The following CTNNAL1 variants were observed in gnomAD, a reference collection of about 807,000 sequenced individuals.
CTNNAL1 encodes alpha-catulin.
Under a neutral mutation model 93.6 loss-of-function variants are expected in CTNNAL1, and 69 were observed. That is an observed-to-expected ratio of 0.74 (90% CI 0.61 to 0.90). The LOEUF is 0.90. Ranked by LOEUF, CTNNAL1 falls within the 40% of genes least tolerant of loss-of-function variation. The pLI, the probability that CTNNAL1 is intolerant of heterozygous loss-of-function variation, is 0.00. For synonymous variants in CTNNAL1, 286 were observed against 305.4 expected, an observed-to-expected ratio of 0.94 and a Z score of 0.66; for missense variants, 836 against 862.0, an observed-to-expected ratio of 0.97 and a Z score of 0.38.
chr9:108,943,167 T>G (rs1348343618), intron 17 of CTNNAL1, 123 bp from the exon 18 acceptor site: 4 of 923,672 alleles, frequency 4.3e-6, no homozygotes, highest in Non-Finnish European at 6.4e-6. Context: ...TTGAAAGAGA[T>G]ATGGATTTAG....
rs201955013 is a variant in CTNNAL1, at chr9:108,952,428, T to A, written c.1680+16A>T. On this transcript the variant is annotated intron_variant, in intron 13 of 18. Coordinates refer to ENST00000325551, the MANE Select transcript of CTNNAL1 (RefSeq NM_003798.4). ...ATTCATGTTAAAGGAAGATTAGATG[T>A]AGGAATTGGTCTTACCTCAGAGTCA... 2 of 1,614,200 alleles carry A rather than the reference T, an allele frequency of 1.2e-6. No homozygotes were observed. Among genetic ancestry groups the A allele is most frequent in the East Asian group, 4.5e-5 (2 of 44,880 alleles).
chr9:108,990,307 T>G (rs1831750228), intron 4 of CTNNAL1, among the ~76,000 whole-genome samples: 2 of 152,152 alleles, frequency 1.3e-5, no homozygotes. Flanking sequence ...AAATAATGGC[T>G]TGGGTTATTA....
rs775112739 is a variant in CTNNAL1 at position 108,983,252 on chromosome 9, T to C, written c.793A>G (p.Met265Val). 2.5e-6 allele frequency: 4 copies of C among 1,596,398 alleles called. No homozygotes were observed. In the South Asian group the frequency reaches 4.5e-5, roughly 18 times the overall value. The change falls in exon 6 of 19, where the codon ATG (methionine) becomes GTG (valine). Residue 265 changes from methionine to valine, a missense_variant. Physicochemically the swap from Met to Val is conservative, Grantham distance 21. Transcript: ENST00000325551. ...ATGACCTTATCCAATGCCACTTTCA[T>C]ACGGTCAAATACTCCTTCTTTGTTT... The part of the protein sequence containing the change: ...HKNKEGVFDR[M>V]KVALDKVIEI...
intron 7 of CTNNAL1, 29 bp downstream of exon 7, chr9:108,979,252 T>C: frequency 6.2e-7 from 1 of 1,613,072 alleles, no homozygotes; most frequent in South Asian, 1.1e-5. Flanking sequence ...TTATATAAGA[T>C]TTACTTTGAT....
At chr9:109,006,160 A>C (rs760087274) in intron 1 of CTNNAL1, among the ~76,000 whole-genome samples, 1 of 152,236 alleles carries the variant, frequency 6.6e-6, no homozygotes, top group Admixed American at 6.5e-5. Flanking sequence ...AATTCTTTCC[A>C]GTCTTGTTTT....
chr9:108,966,636 A>T (rs1047755301), intron 10 of CTNNAL1, among the ~76,000 whole-genome samples: 1 of 152,192 alleles, frequency 6.6e-6, no homozygotes, highest in African/African-American at 2.4e-5. Context: ...ATTAATCAGG[A>T]CTTAATACAA....
At chr9:108,996,918 CTT>C (rs1832042790) in intron 2 of CTNNAL1, among the ~76,000 whole-genome samples, 1 of 21,400 alleles carries the variant, frequency 4.7e-5, no homozygotes, top group African/African-American at 2.6e-4. Context: ...TTATATAACC[CTT>C]TGTTTCCCAC....
intron 6 of CTNNAL1, among the ~76,000 whole-genome samples, chr9:108,980,612 T>C (rs1328863371): frequency 6.6e-6 from 1 of 152,164 alleles, no homozygotes; most frequent in Non-Finnish European, 1.5e-5. Context: ...TGTCAGGTGA[T>C]CACTCCATCC....
At chr9:108,960,833 A>G (rs181843715) in intron 11 of CTNNAL1, among the ~76,000 whole-genome samples, 5 of 152,332 alleles carry the variant, frequency 3.3e-5, no homozygotes, top group Admixed American at 3.3e-4. Context: ...TACAAGGACC[A>G]CAGCCTCCCT....
chr9:108,979,354 C>G lies in CTNNAL1; in HGVS notation c.1028G>C (p.Arg343Thr). The G allele has an allele frequency of 1.2e-6, 2 of 1,614,176 alleles. No homozygotes were observed. Among genetic ancestry groups the G allele is most frequent in the Non-Finnish European group, 1.7e-6 (2 of 1,180,026 alleles). ...TDSAYTSHEH[R>T]ERILELSTQA... ...AGTTGACAGTTCCAAGATGCGTTCT[C>G]TGTGCTCATGGCTGGTGTAGGCAGA... The change falls in exon 7 of 19, where the codon AGA (arginine) becomes ACA (threonine). Residue 343 changes from arginine (R) to threonine (T), a missense_variant. Transcript: ENST00000325551.
At chr9:108,952,043 C>A (rs1045344786) in intron 14 of CTNNAL1, among the ~76,000 whole-genome samples, 166 bp downstream of exon 14, 1 of 152,164 alleles carries the variant, frequency 6.6e-6, no homozygotes, top group African/African-American at 2.4e-5. Flanking sequence ...ATACATGTGT[C>A]TTGTTGTTGC....
intron 3 of CTNNAL1, among the ~76,000 whole-genome samples, chr9:108,992,389 T>C (rs932700287): frequency 6.6e-6 from 1 of 151,248 alleles, no homozygotes; most frequent in Non-Finnish European, 1.5e-5. Flanking sequence ...AAAGAACTTT[T>C]CTTTTTTTTT....
At chr9:109,012,747 T>G (rs1273137116) in intron 1 of CTNNAL1, among the ~76,000 whole-genome samples, 1 of 152,018 alleles carries the variant, frequency 6.6e-6, no homozygotes, top group African/African-American at 2.4e-5. Flanking sequence ...GTGGCCGGGA[T>G]GAATGGGAGG....
chr9:108,984,266 T>C, intron 5 of CTNNAL1, 81 bp downstream of exon 5: 1 of 751,532 alleles, frequency 1.3e-6, no homozygotes, highest in East Asian at 2.5e-5. Flanking sequence ...TTTTTTAAAA[T>C]GTAAATTATG....
intron 7 of CTNNAL1, among the ~76,000 whole-genome samples, chr9:108,978,554 G>C (rs1469461090): frequency 6.6e-6 from 1 of 152,178 alleles, no homozygotes; most frequent in Non-Finnish European, 1.5e-5. Context: ...AATAATGCTA[G>C]AGACATGTCC....
intron 12 of CTNNAL1, among the ~76,000 whole-genome samples, chr9:108,953,157 CAGA>C (rs1221555611): frequency 1.3e-5 from 2 of 152,178 alleles, no homozygotes; most frequent in African/African-American, 4.8e-5. Context: ...ATCTGGAACT[CAGA>C]GTGTATTTTC....
intron 8 of CTNNAL1, 31 bp from the exon 9 acceptor site, chr9:108,972,864 G>GCGCCCCCCCC: frequency 5.6e-5 from 8 of 142,562 alleles, no homozygotes; most frequent in Non-Finnish European, 7.0e-5. Context: ...GGGGGGGTGG[G>GCGCCCCCCCC]AGGGTGGAGA....
intron 7 of CTNNAL1, chr9:108,977,262 GTT>G (rs1031349171): frequency 3.3e-6 from 1 of 306,218 alleles, no homozygotes; most frequent in African/African-American, 2.2e-5. Flanking sequence ...ATGAACTTCT[GTT>G]TTTTTATTTA....
intron 12 of CTNNAL1, among the ~76,000 whole-genome samples, chr9:108,952,815 T>C (rs375698582): frequency 1.3e-5 from 2 of 152,120 alleles, no homozygotes; most frequent in Non-Finnish European, 2.9e-5. Context: ...ATTCCTGGAG[T>C]CCAATTATTA....
Sources: allele counts gnomAD v4.1 joint callset (sites outside exome capture counted in the v4.1 genomes callset), GRCh38; gene constraint gnomAD v4.1.1; transcripts MANE v1.5; gene names NCBI Gene and HGNC (gene_info 2026-07-23, HGNC 2026-07-21).